LETMD1: variants seen among roughly 807,000 people sequenced by gnomAD.
The protein encoded by LETMD1 is LETM1 domain containing 1.
A neutral mutation model predicts 43.9 loss-of-function variants in LETMD1; 30 were observed. The ratio of observed to expected loss-of-function variants is 0.68; its 90% CI spans 0.51 to 0.93. LETMD1 has a LOEUF of 0.93. Among genes scored for constraint, LETMD1 ranks in the 40% least tolerant of loss-of-function variants. The pLI is 0.00. For synonymous variants in LETMD1, 176 were observed against 163.1 expected, an observed-to-expected ratio of 1.08 and a Z score of -0.60; for missense variants, 413 against 447.7, an observed-to-expected ratio of 0.92 and a Z score of 0.70.
the LETMD1 span, among the ~76,000 whole-genome samples, chr12:51,066,780 G>T: frequency 6.6e-6 from 1 of 152,170 alleles, no homozygotes; most frequent in Non-Finnish European, 1.5e-5. Flanking sequence ...TGGAGTAGAG[G>T]TACTGAACAA....
intron 8 of LETMD1, chr12:51,058,915 G>GA (rs1011193256): frequency 1.1e-4 from 22 of 192,162 alleles, no homozygotes; most frequent in South Asian, 2.1e-4. Flanking sequence ...TTCAAACTCA[G>GA]AAAAAAAACA....
chr12:51,064,173 G>A (rs1937863221), downstream of LETMD1: 1 of 1,614,222 alleles, frequency 6.2e-7, no homozygotes, highest in Non-Finnish European at 8.5e-7. Context: ...CGTTGAGGCA[G>A]TTGGGTGGTC....
In LETMD1 at chr12:51,059,994, CTTCTTT is replaced by C. The variant is rs2136790654; in HGVS notation, c.*567_*572del. On this transcript the variant is annotated 3_prime_UTR_variant, in exon 9 of 9. Coordinates refer to ENST00000262055, the MANE Select transcript of LETMD1 (RefSeq NM_015416.5). ...CACCTTCACTGGCATGGGCTAACCA[CTTCTTT>C]TTCAAACCCTCTGAACACCTTTTTC... is the stretch of plus-strand genomic sequence containing the variant. The C allele has an allele frequency of 6.5e-6, 1 of 152,806 alleles. No homozygotes were observed. Among genetic ancestry groups the C allele is most frequent in the South Asian group, 2.1e-4 (1 of 4,852 alleles). 9.5% of individuals were successfully genotyped at this position (152,806 alleles called of 1,614,324 possible). A position where few individuals can be genotyped will look rare whatever the true frequency, so the allele number is the denominator to read the frequency against.
chr12:51,066,500 G>A, the LETMD1 span, among the ~76,000 whole-genome samples: 8 of 151,436 alleles, frequency 5.3e-5, no homozygotes, highest in Admixed American at 1.3e-4. Context: ...AATTAGCCGG[G>A]CATAGTGGTG....
chr12:51,064,178 G>A (rs1426552248), downstream of LETMD1: 1 of 1,614,204 alleles, frequency 6.2e-7, no homozygotes. Context: ...AGGCAGTTGG[G>A]TGGTCTGAGT....
At chr12:51,063,539 TATC>T, downstream of LETMD1, 1 of 414,010 alleles carries the variant, frequency 2.4e-6, no homozygotes, top group Non-Finnish European at 4.3e-6. Flanking sequence ...GCCCCAAGAC[TATC>T]CCCAGATCAA....
chr12:51,048,269 A>C, upstream of LETMD1: 1 of 1,573,272 alleles, frequency 6.4e-7, no homozygotes, highest in Non-Finnish European at 8.7e-7. Flanking sequence ...GCGCTCAGAA[A>C]AGACGCATGC....
At chr12:51,048,718 A>C in intron 1 of LETMD1, 1 of 609,150 alleles carries the variant, frequency 1.6e-6, no homozygotes, top group Non-Finnish European at 2.8e-6. Context: ...TTTCAGCCTC[A>C]CTTTTTCGGC....
chr12:51,060,901 CAAAAA>C (rs35850463), downstream of LETMD1, among the ~76,000 whole-genome samples: 5 of 65,488 alleles, frequency 7.6e-5, no homozygotes, highest in African/African-American at 2.2e-4. Flanking sequence ...GATTCTGTCT[CAAAAA>C]AAAAAAAAAA....
intron 1 of LETMD1, 91 bp from the exon 2 acceptor site, chr12:51,048,943 T>C: frequency 8.2e-7 from 1 of 1,226,892 alleles, no homozygotes; most frequent in Non-Finnish European, 1.1e-6. Flanking sequence ...TGGGATACAA[T>C]CTCCGAGACT....
At chr12:51,068,604 C>A in the LETMD1 span, among the ~76,000 whole-genome samples, 1 of 152,142 alleles carries the variant, frequency 6.6e-6, no homozygotes, top group Non-Finnish European at 1.5e-5. Context: ...CCCTCCTACA[C>A]GAAAATCTAT....
chr12:51,053,674 T>C, intron 3 of LETMD1, 104 bp from the exon 4 acceptor site: 2 of 746,848 alleles, frequency 2.7e-6, no homozygotes, highest in Non-Finnish European at 2.2e-6. Flanking sequence ...TGGTCCTTTT[T>C]CTGGGCTGTA....
intron 4 of LETMD1, among the ~76,000 whole-genome samples, chr12:51,055,414 C>T (rs555349167): frequency 6.6e-6 from 1 of 152,080 alleles, no homozygotes; most frequent in South Asian, 2.1e-4. Flanking sequence ...CCAGTAATCC[C>T]AGCACTTGGG....
chr12:51,052,553 C>T (rs2136594778), intron 3 of LETMD1, among the ~76,000 whole-genome samples: 1 of 152,284 alleles, frequency 6.6e-6, no homozygotes, highest in Middle Eastern at 3.4e-3. Flanking sequence ...GAAGCCGAGG[C>T]AGGCAGATCA....
At chr12:51,064,792 C>A, downstream of LETMD1, 1 of 690,788 alleles carries the variant, frequency 1.4e-6, no homozygotes. Flanking sequence ...GAAAAGCAAC[C>A]AATTCAAAGC....
At chr12:51,065,335 G>C (rs12321533), downstream of LETMD1, among the ~76,000 whole-genome samples, 2 of 152,112 alleles carry the variant, frequency 1.3e-5, no homozygotes, top group African/African-American at 4.8e-5. Context: ...ATCTGGAAAG[G>C]AGATGCTTTC....
In LETMD1 at chr12:51,056,006, A is replaced by G. The variant is rs1566126507; in HGVS notation, c.645A>G (p.Thr215=). 1 of 1,613,862 alleles carries G rather than the reference A, an allele frequency of 6.2e-7. No individual in the cohort carries two copies. ...ISDAGLRWRL[T]DLCTKIQRGT... Reference sequence around the variant, plus strand: ...ATGCAGGACTCCGGTGGCGTCTGACAGATCTGTGCACCAAGGTATTCCTGC... The same window carrying G: ...ATGCAGGACTCCGGTGGCGTCTGACGGATCTGTGCACCAAGGTATTCCTGC... Residue 215 remains threonine (T), a synonymous_variant, in exon 5 of 9, where the codon ACA becomes ACG. Coordinates refer to ENST00000262055, the MANE Select transcript of LETMD1 (RefSeq NM_015416.5).
At chr12:51,067,555 G>A in the LETMD1 span, 1 of 923,004 alleles carries the variant, frequency 1.1e-6, no homozygotes, top group South Asian at 1.6e-5. The surrounding 1 kb of genome is among the most constrained non-coding windows in gnomAD (Gnocchi z 4.1). Context: ...TGGAACTGGA[G>A]AGTGTTCACA....
chr12:51,058,106 G>A lies in LETMD1; in HGVS notation c.990G>A (p.Leu330=). The A allele has an allele frequency of 1.2e-6, 2 of 1,610,530 alleles. No individual in the cohort carries two copies. The highest frequency in any genetic ancestry group is 1.7e-6 in the Non-Finnish European group (2 of 1,176,682). ...GTCGAACTTGGCTGGGAGAATGGCT[G>A]CAGATTTCCTGCAGCCTGAAAGGTA... ...DRCRTWLGEW[L]QISCSLKEAE... Residue 330 remains leucine, a synonymous_variant, in exon 8 of 9, where the codon CTG becomes CTA. Coordinates refer to ENST00000262055, the MANE Select transcript of LETMD1 (RefSeq NM_015416.5).
Sources: allele counts gnomAD v4.1 joint callset (sites outside exome capture counted in the v4.1 genomes callset), GRCh38; gene constraint gnomAD v4.1.1; non-coding constraint Gnocchi (gnomAD v3.1); transcripts MANE v1.5; gene names NCBI Gene and HGNC (gene_info 2026-07-23, HGNC 2026-07-21).